SMAP1: variants seen among roughly 807,000 people sequenced by gnomAD.
The protein encoded by SMAP1 is stromal membrane-associated protein 1.
In SMAP1, 24 loss-of-function variants were observed where a neutral mutation model predicts 58.5. That is an observed-to-expected ratio of 0.41 (90% CI 0.30 to 0.58). The LOEUF (loss-of-function observed/expected upper bound fraction) is 0.58, where lower values mean the gene tolerates loss of function less well. SMAP1 is among the 20% of genes least tolerant of loss of function. The pLI is 0.29. For missense variants in SMAP1, 563 were observed against 566.3 expected (o/e 0.99, Z 0.06); for synonymous variants, 216 against 196.6 (o/e 1.10, Z -0.82).
intron 6 of SMAP1, among the ~76,000 whole-genome samples, chr6:70,809,447 T>C (rs890013906): frequency 6.6e-6 from 1 of 152,210 alleles, no homozygotes; most frequent in African/African-American, 2.4e-5. Flanking sequence ...ATTGCAAATC[T>C]GTTGAACTTG....
Position 70,671,510 on chromosome 6 carries a change from G to A in SMAP1, c.118+3369G>A, listed in dbSNP as rs781986. 4.0e-3 allele frequency among the ~76,000 whole-genome samples: 603 copies of A among 152,188 alleles called. 3 individuals carry two copies. The highest frequency in any genetic ancestry group is 0.014 in the African/African-American group (583 of 41,518). On this transcript the variant is annotated intron_variant, in intron 1 of 10. Coordinates refer to ENST00000370455, the MANE Select transcript of SMAP1 (RefSeq NM_001044305.3). Reference sequence around the variant, plus strand: ...GCTTGAACCTGGGAGGCGGAGAGGCGGAGGTTGCAGTGAGCCGAGATCGCG... The same window carrying A: ...GCTTGAACCTGGGAGGCGGAGAGGCAGAGGTTGCAGTGAGCCGAGATCGCG...
intron 8 of SMAP1, among the ~76,000 whole-genome samples, chr6:70,856,111 A>C (rs772873232): frequency 2.6e-5 from 4 of 152,230 alleles, no homozygotes; most frequent in Non-Finnish European, 4.4e-5. Flanking sequence ...TTCATATTCA[A>C]AACAAGTCCA....
At chr6:70,827,748 T>A (rs564230671) in intron 6 of SMAP1, among the ~76,000 whole-genome samples, 2 of 152,368 alleles carry the variant, frequency 1.3e-5, no homozygotes, top group Non-Finnish European at 2.9e-5. Context: ...GTGTAAATCC[T>A]TGATAACTTC....
At chr6:70,742,128 G>A (rs1427556871) in intron 2 of SMAP1, among the ~76,000 whole-genome samples, 8 of 152,220 alleles carry the variant, frequency 5.3e-5, no homozygotes, top group Non-Finnish European at 1.2e-4. Flanking sequence ...CCATTGTCTT[G>A]TTAATTAACA....
intron 7 of SMAP1, 30 bp from the exon 8 acceptor site, chr6:70,852,510 C>T (rs372130240): frequency 6.8e-6 from 10 of 1,472,284 alleles, no homozygotes; most frequent in Middle Eastern, 3.6e-4. Flanking sequence ...AGATATTCTA[C>T]GTTAAGACGA....
chr6:70,715,036 T>C (rs1768208724), intron 1 of SMAP1, among the ~76,000 whole-genome samples: 1 of 151,986 alleles, frequency 6.6e-6, no homozygotes, highest in Admixed American at 6.5e-5. Flanking sequence ...ATCCTCTCTG[T>C]CTTTAATTTT....
chr6:70,790,066 C>G (rs1342491668), intron 4 of SMAP1, among the ~76,000 whole-genome samples: 1 of 152,206 alleles, frequency 6.6e-6, no homozygotes, highest in Non-Finnish European at 1.5e-5. Flanking sequence ...TTTTGTTCCA[C>G]TTTTCATGAG....
At chr6:70,810,503 G>GT (rs1308913277) in intron 6 of SMAP1, among the ~76,000 whole-genome samples, 1 of 152,102 alleles carries the variant, frequency 6.6e-6, no homozygotes, top group African/African-American at 2.4e-5. Context: ...ATCCACATGG[G>GT]ATCATATTAT....
At chr6:70,856,224 T>TTTTATATTAAATATCTACATG (rs1771416210) in intron 8 of SMAP1, among the ~76,000 whole-genome samples, 2 of 152,204 alleles carry the variant, frequency 1.3e-5, no homozygotes, top group Admixed American at 1.3e-4. Flanking sequence ...ATTGAGAATA[T>TTTTATATTAAATATCTACATG]TTTATATTAA....
At chr6:70,700,159 C>T (rs1767568302) in intron 1 of SMAP1, among the ~76,000 whole-genome samples, 1 of 152,150 alleles carries the variant, frequency 6.6e-6, no homozygotes, top group South Asian at 2.1e-4. Flanking sequence ...GCACCTCCCT[C>T]TGCCCCTTGC....
At chr6:70,833,654 T>C (rs927056625) in intron 6 of SMAP1, among the ~76,000 whole-genome samples, 1 of 152,238 alleles carries the variant, frequency 6.6e-6, no homozygotes, top group African/African-American at 2.4e-5. Context: ...ACCACTCTGC[T>C]AAGAAATACA....
chr6:70,772,432 T>C (rs1437339542), intron 3 of SMAP1, among the ~76,000 whole-genome samples: 1 of 152,196 alleles, frequency 6.6e-6, no homozygotes, highest in African/African-American at 2.4e-5. Context: ...TTCAGTGTAA[T>C]TGGGTTTTTT....
intron 1 of SMAP1, among the ~76,000 whole-genome samples, chr6:70,719,089 CTT>C (rs1037058745): frequency 9.9e-5 from 15 of 152,162 alleles, no homozygotes; most frequent in Admixed American, 9.8e-4. Context: ...CTTATGGACT[CTT>C]TAACAGTAGC....
intron 5 of SMAP1, among the ~76,000 whole-genome samples, chr6:70,796,911 CTG>C (rs1207260716): frequency 1.3e-5 from 2 of 152,150 alleles, no homozygotes; most frequent in Non-Finnish European, 2.9e-5. Context: ...GATATATAAA[CTG>C]TTCAGATTCT....
rs1394059768 is a variant in SMAP1, at chr6:70,754,963, A to C, written c.253-17A>C. ...TTAATGTTTATGTGAGTAATTAAAA[A>C]ATTTTTTTTATTATAGTGCATGCAA... On this transcript the variant is annotated splice_polypyrimidine_tract_variant and intron_variant, in intron 2 of 10. Coordinates refer to ENST00000370455, the MANE Select transcript of SMAP1 (RefSeq NM_001044305.3). 3.8e-6 allele frequency: 6 copies of C among 1,579,904 alleles called. No individual in the cohort carries two copies. The highest frequency in any genetic ancestry group is 4.5e-5 in the East Asian group (2 of 44,488).
At chr6:70,719,129 G>C (rs1036758001) in intron 1 of SMAP1, among the ~76,000 whole-genome samples, 3 of 152,150 alleles carry the variant, frequency 2.0e-5, no homozygotes, top group Admixed American at 6.6e-5. Flanking sequence ...AAAAGTATGG[G>C]ATACAGAGAA....
chr6:70,764,536 T>C (rs1766881395), intron 3 of SMAP1, among the ~76,000 whole-genome samples: 2 of 152,218 alleles, frequency 1.3e-5, no homozygotes. Context: ...TTAAGCTACA[T>C]CTATTCTGCC....
At chr6:70,680,728 T>TG in intron 1 of SMAP1, among the ~76,000 whole-genome samples, 1 of 143,504 alleles carries the variant, frequency 7.0e-6, no homozygotes, top group East Asian at 2.0e-4. Flanking sequence ...TTTTTTTTTT[T>TG]TTTTTTTTGA....
chr6:70,772,436 GT>G (rs1345839174), intron 3 of SMAP1, among the ~76,000 whole-genome samples: 1 of 152,084 alleles, frequency 6.6e-6, no homozygotes, highest in African/African-American at 2.4e-5. Flanking sequence ...GTGTAATTGG[GT>G]TTTTTTCTGT....
Sources: allele counts gnomAD v4.1 joint callset (sites outside exome capture counted in the v4.1 genomes callset), GRCh38; gene constraint gnomAD v4.1.1; transcripts MANE v1.5; gene names NCBI Gene and HGNC (gene_info 2026-07-23, HGNC 2026-07-21).